AMY2B: variants seen among roughly 807,000 people sequenced by gnomAD.
AMY2B encodes the protein alpha-amylase 2B.
In AMY2B, 63 loss-of-function variants were observed where a neutral mutation model predicts 59.3. The ratio of observed to expected loss-of-function variants is 1.06; its 90% CI spans 0.87 to 1.31. AMY2B has a LOEUF of 1.31. AMY2B is among the 50% of genes most tolerant of loss of function. The pLI is 0.00. For synonymous variants in AMY2B, 180 were observed against 198.1 expected, an observed-to-expected ratio of 0.91 and a Z score of 0.77; for missense variants, 635 against 626.7, an observed-to-expected ratio of 1.01 and a Z score of -0.14.
intron 1 of AMY2B, among the ~76,000 whole-genome samples, chr1:103,559,175 A>G (rs1270642075): frequency 6.6e-6 from 1 of 152,200 alleles, no homozygotes; most frequent in African/African-American, 2.4e-5. Context: ...CATGGTGAAT[A>G]CAGTCGTGCA....
chr1:103,558,324 T>G (rs1197503961), intron 1 of AMY2B, among the ~76,000 whole-genome samples: 1 of 152,216 alleles, frequency 6.6e-6, no homozygotes, highest in Non-Finnish European at 1.5e-5. Context: ...AATTTTAGTT[T>G]CTTTTATTAC....
chr1:103,565,581 A>G (rs1457357092), exon 2 of AMY2B: 3 of 152,170 alleles, frequency 2.0e-5, no homozygotes, highest in Admixed American at 6.6e-5. Flanking sequence ...ACTTCAAGTG[A>G]TCTTTCATCC....
At chr1:103,563,527 T>C (rs1651805773) in intron 1 of AMY2B, among the ~76,000 whole-genome samples, 2 of 152,146 alleles carry the variant, frequency 1.3e-5, no homozygotes, top group Admixed American at 6.6e-5. Flanking sequence ...GTTTTAATGC[T>C]TCTCCTATGG....
At chr1:103,560,184 G>A (rs1651689456) in intron 1 of AMY2B, among the ~76,000 whole-genome samples, 1 of 152,114 alleles carries the variant, frequency 6.6e-6, no homozygotes, top group Non-Finnish European at 1.5e-5. Flanking sequence ...TCTTAATAAG[G>A]TTGTTAAAAC....
chr1:103,571,203 A>G, upstream of AMY2B: 1 of 779,696 alleles, frequency 1.3e-6, no homozygotes, highest in Non-Finnish European at 1.7e-6. Flanking sequence ...CTTGAGTTGG[A>G]AGCGGTTTGC....
Position 103,572,932 on chromosome 1 carries a change from T to C in AMY2B, c.316-131T>C. The C allele has an allele frequency of 2.6e-6, 4 of 1,542,708 alleles. No homozygotes were observed. In the Admixed American group the frequency reaches 7.3e-5, roughly 28 times the overall value. On this transcript the variant is annotated intron_variant, in intron 2 of 9. Coordinates refer to ENST00000684275, the MANE Select transcript of AMY2B (RefSeq NM_001387437.1). ...CTTCTTCACAGTTGATTTTTGATCT[T>C]GTAGGAAAATAGTTATAAGATATCA... is the stretch of plus-strand genomic sequence containing the variant.
chr1:103,562,875 T>G (rs937153320), intron 1 of AMY2B, among the ~76,000 whole-genome samples: 2 of 152,064 alleles, frequency 1.3e-5, no homozygotes, highest in African/African-American at 4.8e-5. Context: ...TTCATTTTAT[T>G]TAAGTCAAGG....
intron 1 of AMY2B, chr1:103,561,665 C>T (rs1487887993): frequency 6.6e-6 from 1 of 151,002 alleles, no homozygotes; most frequent in Non-Finnish European, 1.5e-5. Flanking sequence ...TCTATATATT[C>T]CCTATATATT....
intron 7 of AMY2B, among the ~76,000 whole-genome samples, chr1:103,576,865 T>C (rs1225733164): frequency 1.3e-5 from 2 of 152,228 alleles, no homozygotes; most frequent in African/African-American, 4.8e-5. Flanking sequence ...TAATAGAGCC[T>C]ATGTTTTAAT....
chr1:103,560,117 G>A (rs969392085), intron 1 of AMY2B, among the ~76,000 whole-genome samples: 2 of 151,970 alleles, frequency 1.3e-5, no homozygotes, highest in African/African-American at 2.4e-5. Flanking sequence ...AAAAAATAAT[G>A]TGTTCTCCGT....
chr1:103,563,621 G>C (rs959663536), intron 1 of AMY2B, among the ~76,000 whole-genome samples: 11 of 152,094 alleles, frequency 7.2e-5, no homozygotes, highest in Admixed American at 3.9e-4. Context: ...ACTCTTAGTA[G>C]AAGCTTATTA....
chr1:103,572,207 G>C lies in AMY2B; in HGVS notation c.266G>C (p.Gly89Ala). The change falls in exon 2 of 10, where the codon GGA (glycine) becomes GCA (alanine). Residue 89 changes from glycine to alanine, a missense_variant. By Grantham distance (60) the Gly-to-Ala change is moderately conservative. Coordinates refer to ENST00000684275, the MANE Select transcript of AMY2B (RefSeq NM_001387437.1). ...AGCTATAAATTATGCACAAGATCTGGAAATGAAGATGAATTTAGAAACATG... is the reference window on the plus strand; with the variant it reads ...AGCTATAAATTATGCACAAGATCTGCAAATGAAGATGAATTTAGAAACATG... ...PVSYKLCTRS[G>A]NEDEFRNMVT... 6.2e-7 allele frequency: 1 copy of C among 1,611,576 alleles called. No individual in the cohort carries two copies. Among genetic ancestry groups the C allele is most frequent in the East Asian group, 2.2e-5 (1 of 44,796 alleles).
chr1:103,555,726 TTAA>T (rs1408397165), intron 1 of AMY2B, among the ~76,000 whole-genome samples: 3 of 152,202 alleles, frequency 2.0e-5, no homozygotes, highest in African/African-American at 7.2e-5. Flanking sequence ...GAAGAAGAAT[TTAA>T]TATAGTGAGT....
chr1:103,572,542 GGT>G (rs1475362863), intron 2 of AMY2B, among the ~76,000 whole-genome samples: 1 of 152,052 alleles, frequency 6.6e-6, no homozygotes, highest in Non-Finnish European at 1.5e-5. Flanking sequence ...AGAGTTTTCT[GGT>G]TAAGAGTTAT....
upstream of AMY2B, among the ~76,000 whole-genome samples, chr1:103,566,731 C>G (rs905278383): frequency 2.6e-5 from 4 of 152,106 alleles, no homozygotes; most frequent in African/African-American, 9.7e-5. Context: ...TGTCACTTAC[C>G]ATATGAGCCT....
At position 103,577,511 on chromosome 1, in the gene AMY2B, C is replaced by T. The variant is rs766961600; in HGVS notation, c.1123C>T (p.Pro375Ser). ...NGNDVNDWVG[P>S]PNNNGVIKEV... ...TAAGGATGTTAATGATTGGGTTGGG[C>T]CACCAAATAATAATGGAGTAATTAA... The change falls in exon 8 of 10, where the codon CCA (proline) becomes TCA (serine). Residue 375 changes from proline to serine, a missense_variant. Transcript: ENST00000684275. 5.6e-6 allele frequency: 9 copies of T among 1,611,668 alleles called. No individual in the cohort carries two copies. The highest frequency in any genetic ancestry group is 1.7e-5 in the Admixed American group (1 of 59,984).
At position 103,575,339 on chromosome 1, in the gene AMY2B, A is replaced by T; in HGVS notation, c.995A>T (p.Asp332Val). ...GGAGCCTCTATTCTTACCTTCTGGGATGCTAGGTAGAAAACCAAGTTCTCT... is the reference window on the plus strand; with the variant it reads ...GGAGCCTCTATTCTTACCTTCTGGGTTGCTAGGTAGAAAACCAAGTTCTCT... ...AGGASILTFW[D>V]ARLYKMAVGF... Residue 332 changes from aspartate (D) to valine (V), a missense_variant, in exon 6 of 10, where the codon GAT (aspartate) becomes GTT (valine). Asp to Val is a radical substitution (Grantham distance 152). Transcript: ENST00000684275. The T allele has an allele frequency of 1.9e-6, 3 of 1,613,516 alleles. No individual in the cohort carries two copies. Among genetic ancestry groups the T allele is most frequent in the Non-Finnish European group, 2.5e-6 (3 of 1,179,668 alleles).
In AMY2B at chr1:103,579,529, A is replaced by T. The variant is rs765371385; in HGVS notation, c.*29A>T. 2 of 1,601,342 alleles carry T rather than the reference A, an allele frequency of 1.2e-6. No homozygotes were observed. The highest frequency in any genetic ancestry group is 2.2e-5 in the East Asian group (1 of 44,700). Reference sequence around the variant, plus strand: ...TTAAAATTAAATGCATATCCTCAAAACAATAGCCAAGTGTGTTTCTTTTCT... The same window carrying T: ...TTAAAATTAAATGCATATCCTCAAATCAATAGCCAAGTGTGTTTCTTTTCT... On this transcript the variant is annotated 3_prime_UTR_variant, in exon 10 of 10. Transcript: ENST00000684275.
chr1:103,568,844 T>C (rs1305770771), upstream of AMY2B: 1 of 151,778 alleles, frequency 6.6e-6, no homozygotes, highest in African/African-American at 2.4e-5. Flanking sequence ...TGTATGTATG[T>C]GTGTGTATAT....
Sources: gnomAD v4.1 joint callset for allele counts (sites outside exome capture counted in the v4.1 genomes callset) on GRCh38, gnomAD v4.1.1 for gene constraint, MANE v1.5 for transcripts, NCBI Gene and HGNC (gene_info 2026-07-23, HGNC 2026-07-21) for gene names.